The following C1orf162 variants were observed in gnomAD, a reference collection of about 807,000 sequenced individuals.
C1orf162 encodes the protein transmembrane protein C1orf162.
A neutral mutation model predicts 11.4 loss-of-function variants in C1orf162; 10 were observed. That is an observed-to-expected ratio of 0.88 (90% CI 0.54 to 1.48). The LOEUF is 1.48. Among genes scored for constraint, C1orf162 ranks in the 40% most tolerant of loss-of-function variants. The probability of loss-of-function intolerance (pLI) is 0.00; values close to 1 mark genes in which losing one functional copy is unlikely to be tolerated. For synonymous variants in C1orf162, 53 were observed against 55.0 expected (o/e 0.96, Z 0.16); for missense variants, 140 against 149.5 (o/e 0.94, Z 0.33).
intron 3 of C1orf162, 159 bp from the exon 4 acceptor site, chr1:111,477,175 G>A: frequency 1.4e-6 from 1 of 703,670 alleles, no homozygotes; most frequent in South Asian, 1.8e-5. Flanking sequence ...AAATGGATGT[G>A]AAACTCAAAA....
At position 111,478,157 on chromosome 1, in the gene C1orf162, C is replaced by T; in HGVS notation, c.*34C>T. 4 of 1,612,556 alleles carry T rather than the reference C, an allele frequency of 2.5e-6. No individual in the cohort carries two copies. The highest frequency in any genetic ancestry group is 3.4e-6 in the Non-Finnish European group (4 of 1,178,784). On this transcript the variant is annotated 3_prime_UTR_variant, in exon 6 of 6. Transcript: ENST00000369718. Reference sequence around the variant, plus strand: ...TTCCAATGAGGCTTGAATCCATTTCCTCTCATCTCAGCCCTATCTTCACAC... The same window carrying T: ...TTCCAATGAGGCTTGAATCCATTTCTTCTCATCTCAGCCCTATCTTCACAC...
chr1:111,478,211 A>G lies in C1orf162; in HGVS notation c.*88A>G. 1 of 1,520,772 alleles carries G rather than the reference A, an allele frequency of 6.6e-7. No homozygotes were observed. Among genetic ancestry groups the G allele is most frequent in the Non-Finnish European group, 9.1e-7 (1 of 1,104,280 alleles). 94.2% of individuals were successfully genotyped at this position (1,520,772 alleles called of 1,614,324 possible). The stretch of plus-strand genomic sequence containing the variant: ...ACTTTCACTTTTTTACAAATTTTGG[A>G]CCACCACCTGTGTGAAACTGCAGTC... On this transcript the variant is annotated 3_prime_UTR_variant, in exon 6 of 6. Coordinates refer to ENST00000369718, the MANE Select transcript of C1orf162 (RefSeq NM_001300834.2).
rs1654004873 is a variant in C1orf162 at position 111,476,786 on chromosome 1, GTT to G, written c.38-9_38-8del. The G allele has an allele frequency of 6.2e-7, 1 of 1,613,462 alleles. No homozygotes were observed. Among genetic ancestry groups the G allele is most frequent in the East Asian group, 2.2e-5 (1 of 44,886 alleles). On this transcript the variant is annotated splice_polypyrimidine_tract_variant and intron_variant, in intron 2 of 5. Transcript: ENST00000369718. The stretch of plus-strand genomic sequence containing the variant: ...TGACAGATACACTAATTCCTTTTGT[GTT>G]TTCTTGTAGAAAGACAAGGCACTCT...
At chr1:111,475,815 C>T (rs555034911) in intron 1 of C1orf162, 2 of 509,772 alleles carry the variant, frequency 3.9e-6, no homozygotes, top group Non-Finnish European at 7.3e-6. Flanking sequence ...ACCTGCAAAC[C>T]TGAAGGCTGG....
chr1:111,477,253 A>T (rs1557809039), intron 3 of C1orf162, 81 bp from the exon 4 acceptor site: 1 of 1,198,076 alleles, frequency 8.3e-7, no homozygotes, highest in Non-Finnish European at 1.2e-6. Context: ...GAGTCCATCC[A>T]TAGGCAGGAA....
Position 111,478,289 on chromosome 1 carries a change from T to C in C1orf162, c.*166T>C, listed in dbSNP as rs1654066996. The C allele has an allele frequency of 2.5e-6, 2 of 785,238 alleles. No homozygotes were observed. Among genetic ancestry groups the C allele is most frequent in the African/African-American group, 1.7e-5 (1 of 57,574 alleles). The allele number at this position is 785,238 out of a possible 1,614,324, so 48.6% of individuals were successfully genotyped here. A position where few individuals can be genotyped will look rare whatever the true frequency, so the allele number is the denominator to read the frequency against. On this transcript the variant is annotated 3_prime_UTR_variant, in exon 6 of 6. Coordinates refer to ENST00000369718, the MANE Select transcript of C1orf162 (RefSeq NM_001300834.2). ...GCTATCCAGCATCTTTGGAGACCAA[T>C]GGTCAGTCTTTTCCTGGCCAGAGGA...
intron 3 of C1orf162, chr1:111,477,071 G>A: frequency 1.5e-6 from 1 of 656,818 alleles, no homozygotes; most frequent in Non-Finnish European, 2.6e-6. Flanking sequence ...GATCCCCTAA[G>A]CTTATAGGTA....
intron 2 of C1orf162, 69 bp downstream of exon 2, chr1:111,476,134 G>GT (rs1653982077): frequency 6.9e-7 from 1 of 1,457,900 alleles, no homozygotes; most frequent in South Asian, 1.1e-5. Flanking sequence ...TGTGCTGAAG[G>GT]GCTGTAATGG....
At position 111,478,437 on chromosome 1, in the gene C1orf162, A is replaced by T; in HGVS notation, c.*314A>T. On this transcript the variant is annotated 3_prime_UTR_variant, in exon 6 of 6. Transcript: ENST00000369718. ...TCAGTGCACAGAGTATTCACCCAGC[A>T]TCATGAATCAACTTGGGAGGAGTCA... 1 of 293,210 alleles carries T rather than the reference A, an allele frequency of 3.4e-6. No individual in the cohort carries two copies. Among genetic ancestry groups the T allele is most frequent in the Middle Eastern group, 1.1e-3 (1 of 938 alleles). 18.2% of individuals were successfully genotyped at this position (293,210 alleles called of 1,614,324 possible). A position where few individuals can be genotyped will look rare whatever the true frequency, so the allele number is the denominator to read the frequency against.
chr1:111,475,962 C>T (rs907900519), intron 1 of C1orf162, 56 bp from the exon 2 acceptor site: 2 of 1,426,320 alleles, frequency 1.4e-6, no homozygotes, highest in African/African-American at 2.8e-5. Context: ...CAGAGCTGGC[C>T]CTTAAGCCGG....
In C1orf162 at chr1:111,478,115, A is replaced by T. The variant is rs770357917; in HGVS notation, c.385A>T (p.Thr129Ser). ...CATTGTCTATGCTCAAATTAAAGTA[A>T]CAAACTAACTCAGCTTTTCCAATGA... ...DPIVYAQIKVTN is the reference protein window; with the variant it reads ...DPIVYAQIKVSN The change falls in exon 6 of 6, where the codon ACA becomes TCA. Residue 129 changes from threonine to serine, a missense_variant. Transcript: ENST00000369718. The T allele has an allele frequency of 6.2e-7, 1 of 1,614,112 alleles. No homozygotes were observed. Among genetic ancestry groups the T allele is most frequent in the African/African-American group, 1.3e-5 (1 of 74,948 alleles).
At chr1:111,474,972 T>C (rs944112116) in intron 1 of C1orf162, 1 of 152,058 alleles carries the variant, frequency 6.6e-6, no homozygotes, top group African/African-American at 2.4e-5. Context: ...AGCCAAAACA[T>C]TTTCCCATGA....
In C1orf162 at chr1:111,477,654, G is replaced by A. The variant is rs371937009; in HGVS notation, c.203-72G>A. The A allele has an allele frequency of 2.6e-4, 421 of 1,592,490 alleles. 4 individuals are homozygous for A. In the Middle Eastern group the frequency reaches 6.6e-3, roughly 25 times the overall value. On this transcript the variant is annotated intron_variant, in intron 4 of 5. Coordinates refer to ENST00000369718, the MANE Select transcript of C1orf162 (RefSeq NM_001300834.2). ...CCCACCCCACCCTTCACCCAAGATC[G>A]AAGGGAGAGGCTTCCCATTTCCCCA...
chr1:111,477,867 T>G, intron 5 of C1orf162, 92 bp downstream of exon 5: 2 of 1,597,186 alleles, frequency 1.3e-6, no homozygotes, highest in South Asian at 2.2e-5. Context: ...AATGGTGGTA[T>G]TGATTTCCAG....
In C1orf162 at chr1:111,476,890, G is replaced by A. The variant is rs377423729; in HGVS notation, c.107+23G>A. On this transcript the variant is annotated intron_variant, in intron 3 of 5. Coordinates refer to ENST00000369718, the MANE Select transcript of C1orf162 (RefSeq NM_001300834.2). ...CAAGTAAATGAGCATTCTCCTATCT[G>A]TTTCATCTTGTACCACGTGGGATTT... 7 of 1,607,794 alleles carry A rather than the reference G, an allele frequency of 4.4e-6. No homozygotes were observed. The African/African-American group carries it at 8.0e-5, about 18-fold the overall frequency.
intron 5 of C1orf162, 58 bp downstream of exon 5, chr1:111,477,833 T>A: frequency 1.9e-6 from 3 of 1,602,566 alleles, no homozygotes; most frequent in Non-Finnish European, 2.6e-6. Context: ...GGAATTCCCC[T>A]CCATACTCTT....
chr1:111,476,918 T>C (rs778356541), intron 3 of C1orf162, 51 bp downstream of exon 3: 5 of 1,586,184 alleles, frequency 3.2e-6, no homozygotes, highest in Non-Finnish European at 3.5e-6. Context: ...TGGGATTTGA[T>C]GTTGTGCTGA....
In C1orf162 at chr1:111,477,043, A is replaced by G. The variant is rs1654015500; in HGVS notation, c.107+176A>G. 5.7e-6 allele frequency: 4 copies of G among 706,530 alleles called. No homozygotes were observed. The African/African-American group carries it at 7.1e-5, about 13-fold the overall frequency. 43.8% of individuals were successfully genotyped at this position (706,530 alleles called of 1,614,324 possible). On this transcript the variant is annotated intron_variant, in intron 3 of 5. Transcript: ENST00000369718. ...ATGGCTCTTAATTTGGCATCCCCTA[A>G]GCTTCAAGAGATCCATGGATCCCCT...
At chr1:111,477,630 C>T (rs746006464) in intron 4 of C1orf162, 96 bp from the exon 5 acceptor site, 8 of 1,610,604 alleles carry the variant, frequency 5.0e-6, no homozygotes, top group Non-Finnish European at 5.9e-6. Flanking sequence ...CACCTCCTCC[C>T]CACCCCACCC....
Sources: gnomAD v4.1 joint callset for allele counts on GRCh38, gnomAD v4.1.1 for gene constraint, MANE v1.5 for transcripts, NCBI Gene and HGNC (gene_info 2026-07-23, HGNC 2026-07-21) for gene names.